Variants in GALNT14 observed in about 807,000 individuals in gnomAD.
GALNT14 encodes the protein polypeptide N-acetylgalactosaminyltransferase 14.
GALNT14 carries 60 observed loss-of-function variants against 77.5 expected under a neutral mutation model. The observed-to-expected ratio is 0.77, with a 90% CI of 0.63 to 0.96. GALNT14 has a LOEUF of 0.96. Among genes scored for constraint, GALNT14 ranks in the 40% least tolerant of loss-of-function variants. GALNT14 has a pLI of 0.00. For missense variants in GALNT14, 710 were observed against 731.0 expected (o/e 0.97, Z 0.33); for synonymous variants, 280 against 281.7 (o/e 0.99, Z 0.06).
intron 1 of GALNT14, among the ~76,000 whole-genome samples, chr2:31,019,866 G>C (rs1671607630): frequency 6.6e-6 from 1 of 152,186 alleles, no homozygotes; most frequent in Non-Finnish European, 1.5e-5. Context: ...CTGTAAAAGT[G>C]CCTTAACAAC....
chr2:30,986,121 A>G (rs1669283477), intron 2 of GALNT14, among the ~76,000 whole-genome samples: 1 of 152,172 alleles, frequency 6.6e-6, no homozygotes, highest in Admixed American at 6.5e-5. Flanking sequence ...ATCAAAGTGT[A>G]GAATTTTCCC....
chr2:31,064,046 G>T (rs1323696476), intron 1 of GALNT14, among the ~76,000 whole-genome samples: 1 of 152,160 alleles, frequency 6.6e-6, no homozygotes, highest in African/African-American at 2.4e-5. Context: ...TTTGCAGATG[G>T]CAAAGAAGGA....
chr2:30,910,073 G>T (rs1443031147), downstream of GALNT14, among the ~76,000 whole-genome samples: 2 of 112,690 alleles, frequency 1.8e-5, no homozygotes, highest in African/African-American at 6.8e-5. Context: ...GGTGGGGGGA[G>T]GGGGGAGGGA....
At chr2:31,078,938 C>A in intron 1 of GALNT14, 2 of 1,289,318 alleles carry the variant, frequency 1.6e-6, no homozygotes, top group Non-Finnish European at 2.0e-6. Flanking sequence ...ACTCACTGGA[C>A]ACGACTCATC....
At chr2:30,909,852 C>A (rs1489844612), downstream of GALNT14, among the ~76,000 whole-genome samples, 1 of 151,642 alleles carries the variant, frequency 6.6e-6, no homozygotes, top group East Asian at 1.9e-4. Context: ...AAATGTGGCA[C>A]ATATACACCA....
In GALNT14 at chr2:31,138,108, T is replaced by C. The variant is rs777501679; in HGVS notation, c.-22A>G. ...GCATGGTCCCCTTTGCCGCTTCCTC[T>C]CCGCGGCGCTACGTCCCGGGGGCAC... On this transcript the variant is annotated 5_prime_UTR_variant, in exon 1 of 15. Transcript: ENST00000349752. 6 of 1,613,118 alleles carry C rather than the reference T, an allele frequency of 3.7e-6. No homozygotes were observed. Among genetic ancestry groups the C allele is most frequent in the African/African-American group, 2.7e-5 (2 of 74,874 alleles).
At chr2:30,932,011 G>A (rs1047468542) in intron 10 of GALNT14, 57 bp downstream of exon 10, 20 of 1,435,804 alleles carry the variant, frequency 1.4e-5, no homozygotes, top group African/African-American at 1.2e-4. Flanking sequence ...ACCAGCAGCC[G>A]CCCAGCCTTG....
chr2:30,936,552 C>G (rs1666068550), intron 9 of GALNT14, among the ~76,000 whole-genome samples: 2 of 152,146 alleles, frequency 1.3e-5, no homozygotes, highest in Admixed American at 6.5e-5. Context: ...GTCTGAGAAA[C>G]AGACACTCAC....
At chr2:30,966,474 G>C (rs1017767961) in intron 2 of GALNT14, among the ~76,000 whole-genome samples, 172 bp from the exon 3 acceptor site, 14 of 152,322 alleles carry the variant, frequency 9.2e-5, no homozygotes, top group Admixed American at 9.1e-4. Context: ...CTGGCCCTAA[G>C]AGGGGCTGGG....
intron 1 of GALNT14, among the ~76,000 whole-genome samples, chr2:31,030,638 G>A (rs1386269539): frequency 5.3e-5 from 8 of 152,172 alleles, no homozygotes; most frequent in African/African-American, 1.7e-4. Flanking sequence ...GCTGAAGCCC[G>A]TGAGCCTTCC....
intron 1 of GALNT14, among the ~76,000 whole-genome samples, chr2:31,092,389 C>T (rs1290646045): frequency 6.6e-6 from 1 of 151,942 alleles, no homozygotes; most frequent in Non-Finnish European, 1.5e-5. Context: ...TCATCACCTA[C>T]CAGAGGCCTT....
chr2:30,912,132 T>C, intron 14 of GALNT14, 91 bp downstream of exon 14: 2 of 1,489,716 alleles, frequency 1.3e-6, no homozygotes, highest in Admixed American at 1.9e-5. Context: ...CTTCTAACAA[T>C]TTCTCTCTTT....
chr2:31,027,886 C>CTGTGTGTGTGTGTGTGTG (rs10562223), intron 1 of GALNT14, among the ~76,000 whole-genome samples: 10,382 of 141,654 alleles, frequency 0.073, 487 homozygotes, highest in East Asian at 0.14. Flanking sequence ...CAGATGTATT[C>CTGTGTGTGTGTGTGTGTG]TGTGTGTGTG....
intron 13 of GALNT14, among the ~76,000 whole-genome samples, chr2:30,915,839 T>C (rs540785890): frequency 6.6e-6 from 1 of 152,318 alleles, no homozygotes; most frequent in Admixed American, 6.5e-5. Flanking sequence ...TGTTAAAGGC[T>C]GAAAGGGCCA....
intron 1 of GALNT14, chr2:31,114,653 C>G (rs780848208): frequency 1.4e-4 from 91 of 652,828 alleles, no homozygotes; most frequent in Non-Finnish European, 2.2e-4. Context: ...CTCTAAAAAC[C>G]CAGCTTGTGA....
intron 10 of GALNT14, among the ~76,000 whole-genome samples, chr2:30,931,253 C>T (rs1053149677): frequency 4.6e-5 from 7 of 152,052 alleles, no homozygotes; most frequent in African/African-American, 1.7e-4. Context: ...CACAGCTCCC[C>T]CTACCCCAAT....
intron 1 of GALNT14, among the ~76,000 whole-genome samples, chr2:31,023,315 C>T (rs1671842326): frequency 1.3e-5 from 2 of 152,152 alleles, no homozygotes; most frequent in Admixed American, 6.5e-5. Flanking sequence ...TGGCCTTCAT[C>T]ACCCATTGTG....
intron 1 of GALNT14, among the ~76,000 whole-genome samples, chr2:31,018,049 T>C (rs144528518): frequency 1.3e-3 from 200 of 152,328 alleles, no homozygotes; most frequent in African/African-American, 4.6e-3. Flanking sequence ...CACTCAGCAC[T>C]TCCCAGCCTC....
At chr2:30,910,038 T>C (rs1664266505), downstream of GALNT14, among the ~76,000 whole-genome samples, 1 of 123,878 alleles carries the variant, frequency 8.1e-6, no homozygotes, top group African/African-American at 3.2e-5. Context: ...GGAAGGGGAA[T>C]ATCACACTCT....
Sources: allele counts gnomAD v4.1 joint callset (sites outside exome capture counted in the v4.1 genomes callset), GRCh38; gene constraint gnomAD v4.1.1; transcripts MANE v1.5; gene names NCBI Gene and HGNC (gene_info 2026-07-23, HGNC 2026-07-21).